The following PCDHGA8 variants were observed in gnomAD, a reference collection of about 807,000 sequenced individuals.
The protein encoded by PCDHGA8 is protocadherin gamma subfamily A, 8, also known as protocadherin gamma-A8.
A neutral mutation model predicts 59.2 loss-of-function variants in PCDHGA8; 45 were observed. The observed-to-expected ratio is 0.76, with a 90% CI of 0.60 to 0.98. PCDHGA8 has a LOEUF of 0.98. PCDHGA8 is among the 50% of genes least tolerant of loss of function. The pLI is 0.00. For missense variants in PCDHGA8, 1,257 were observed against 1,196.2 expected, an observed-to-expected ratio of 1.05 and a Z score of -0.75; for synonymous variants, 531 against 519.0, an observed-to-expected ratio of 1.02 and a Z score of -0.32.
At chr5:141,414,046 A>G (rs780040293) in intron 1 of PCDHGA8, 1 of 1,611,254 alleles carries the variant, frequency 6.2e-7, no homozygotes, top group Non-Finnish European at 8.5e-7. Context: ...ATTACCTGAC[A>G]CGCAATTGTT....
intron 1 of PCDHGA8, chr5:141,404,276 G>A (rs754510135): frequency 6.2e-7 from 1 of 1,613,992 alleles, no homozygotes; most frequent in Non-Finnish European, 8.5e-7. Context: ...CACCCTGCAA[G>A]TGACTGACAT....
chr5:141,407,473 G>A (rs753514459), intron 1 of PCDHGA8, among the ~76,000 whole-genome samples: 4 of 145,182 alleles, frequency 2.8e-5, no homozygotes, highest in Non-Finnish European at 4.6e-5. Context: ...ATGACTGAAT[G>A]GAGTATGGAA....
intron 1 of PCDHGA8, among the ~76,000 whole-genome samples, chr5:141,472,688 A>G (rs970538300): frequency 2.0e-5 from 3 of 151,384 alleles, no homozygotes; most frequent in African/African-American, 7.3e-5. Context: ...CATTTCCCCT[A>G]GAAATAAGTG....
chr5:141,415,095 C>G, intron 1 of PCDHGA8: 2 of 1,613,584 alleles, frequency 1.2e-6, no homozygotes, highest in Non-Finnish European at 1.7e-6. Context: ...TGGACAGAGA[C>G]GCGCTCAAGC....
At chr5:141,402,487 A>G (rs1239262921) in intron 1 of PCDHGA8, among the ~76,000 whole-genome samples, 1 of 152,226 alleles carries the variant, frequency 6.6e-6, no homozygotes, top group Non-Finnish European at 1.5e-5. Flanking sequence ...AAGTTCTACC[A>G]AGAATAAGAA....
chr5:141,433,223 T>C lies in PCDHGA8; in HGVS notation c.2424+37986T>C, dbSNP rs2097577369. On this transcript the variant is annotated intron_variant, in intron 1 of 3. Coordinates refer to ENST00000398604, the MANE Select transcript of PCDHGA8 (RefSeq NM_032088.2). The stretch of plus-strand genomic sequence containing the variant: ...AATCTTCTTTCTTTTTTTTTTTTAA[T>C]TGCTCTGTCTCCCAAGCTGGAATGC... The C allele has an allele frequency of 4.6e-6, 7 of 1,525,952 alleles. No individual in the cohort carries two copies. In the East Asian group the frequency reaches 1.6e-4, roughly 34 times the overall value. The allele number at this position is 1,525,952 out of a possible 1,614,324, so 94.5% of individuals were successfully genotyped here. A position where few individuals can be genotyped will look rare whatever the true frequency, so the allele number is the denominator to read the frequency against.
At position 141,490,821 on chromosome 5, in the gene PCDHGA8, G is replaced by A. The variant is rs907584239; in HGVS notation, c.2425-3986G>A. On this transcript the variant is annotated intron_variant, in intron 1 of 3. Transcript: ENST00000398604. The surrounding 1 kb of genome is among the most constrained non-coding windows in gnomAD (Gnocchi z 5.4). ...AGCGTACCTTTGACTATGAATTGCT[G>A]CAGATGCTGCAGATTGTGGTGGGGG... 6.2e-7 allele frequency: 1 copy of A among 1,613,876 alleles called. No homozygotes were observed. Among genetic ancestry groups the A allele is most frequent in the Non-Finnish European group, 8.5e-7 (1 of 1,179,826 alleles).
intron 1 of PCDHGA8, chr5:141,417,840 A>G (rs2096168680): frequency 2.0e-6 from 3 of 1,536,422 alleles, no homozygotes; most frequent in African/African-American, 2.8e-5. Context: ...GCGGGGACCC[A>G]GCGAGAACCC....
chr5:141,418,224 T>C (rs756997971), intron 1 of PCDHGA8: 1 of 1,613,998 alleles, frequency 6.2e-7, no homozygotes, highest in Non-Finnish European at 8.5e-7. Flanking sequence ...GTCATTGTGG[T>C]GATTGAGGAT....
In PCDHGA8 at chr5:141,395,170, AGAAAAATGATTCTT is replaced by A; in HGVS notation, c.2358_2371del (p.Glu786AspfsTer9). 6.2e-7 allele frequency: 1 copy of A among 1,614,214 alleles called. No individual in the cohort carries two copies. The highest frequency in any genetic ancestry group is 8.5e-7 in the Non-Finnish European group (1 of 1,180,014). On this transcript the variant is annotated frameshift_variant, in exon 1 of 4. Coordinates refer to ENST00000398604, the MANE Select transcript of PCDHGA8 (RefSeq NM_032088.2). LOFTEE classifies it high-confidence loss of function. ...ATGCTCATCAGTCAGGAGGGCTGTG[AGAAAAATGATTCTT>A]TGTTAACATCCGTAGATTTTCATGA...
intron 1 of PCDHGA8, among the ~76,000 whole-genome samples, chr5:141,466,183 T>G (rs145148468): frequency 2.0e-5 from 3 of 152,138 alleles, no homozygotes; most frequent in Middle Eastern, 3.4e-3. Flanking sequence ...TATTTTTATT[T>G]TTTTTCAGAC....
chr5:141,477,268 C>A lies in PCDHGA8; in HGVS notation c.2425-17539C>A, dbSNP rs2099408532. On this transcript the variant is annotated intron_variant, in intron 1 of 3. Transcript: ENST00000398604. This position sits in a 1 kb window ranked among gnomAD's most constrained non-coding sequence, Gnocchi z 4.9. ...TGACTGACCTGGATGCTGGCGAGAA[C>A]GGGCTGGTGACCTGCGAAGTTCCAC... 1.2e-6 allele frequency: 2 copies of A among 1,614,078 alleles called. No individual in the cohort carries two copies. Among genetic ancestry groups the A allele is most frequent in the Non-Finnish European group, 1.7e-6 (2 of 1,180,038 alleles).
rs755093164 is a variant in PCDHGA8, at chr5:141,485,516, G to C, written c.2425-9291G>C. On this transcript the variant is annotated intron_variant, in intron 1 of 3. Coordinates refer to ENST00000398604, the MANE Select transcript of PCDHGA8 (RefSeq NM_032088.2). The surrounding 1 kb of genome is among the most constrained non-coding windows in gnomAD (Gnocchi z 5.7). Reference sequence around the variant, plus strand: ...GGAGTTTGTCACCGAAGGTCCTTTGGAAATGTACCGAGCAGAGGTAGAGAT... The same window carrying C: ...GGAGTTTGTCACCGAAGGTCCTTTGCAAATGTACCGAGCAGAGGTAGAGAT... 1 of 1,614,172 alleles carries C rather than the reference G, an allele frequency of 6.2e-7. No individual in the cohort carries two copies.
rs1686238986 is a variant in PCDHGA8 at position 141,431,536 on chromosome 5, G to A, written c.2424+36299G>A. The A allele has an allele frequency of 6.2e-7, 1 of 1,614,070 alleles. No homozygotes were observed. Among genetic ancestry groups the A allele is most frequent in the African/African-American group, 1.3e-5 (1 of 75,064 alleles). On this transcript the variant is annotated intron_variant, in intron 1 of 3. Transcript: ENST00000398604. The surrounding 1 kb of genome is among the most constrained non-coding windows in gnomAD (Gnocchi z 4.8). ...TTCCGGAGAATCTGGCCTTGGGCAC[G>A]CAGCTGCTTGTAGTCAACGCTACCG... is the stretch of plus-strand genomic sequence containing the variant.
At chr5:141,408,953 CTT>C in intron 1 of PCDHGA8, 1 of 1,613,552 alleles carries the variant, frequency 6.2e-7, no homozygotes, top group Non-Finnish European at 8.5e-7. Context: ...TAGAATTAGT[CTT>C]AGTGAAAATC....
intron 1 of PCDHGA8, among the ~76,000 whole-genome samples, chr5:141,445,156 GT>G (rs1248104914): frequency 6.6e-6 from 1 of 152,018 alleles, no homozygotes; most frequent in Non-Finnish European, 1.5e-5. Flanking sequence ...TTCATTTCTA[GT>G]TTACAGAAAA....
Position 141,477,609 on chromosome 5 carries a change from A to T in PCDHGA8, c.2425-17198A>T, listed in dbSNP as rs775454070. The T allele has an allele frequency of 6.2e-7, 1 of 1,614,192 alleles. No homozygotes were observed. The highest frequency in any genetic ancestry group is 1.1e-5 in the South Asian group (1 of 91,082). ...GCTCGGCTTTCTTTCTTTCTCTTGG[A>T]GCAAGGAGCTGAAACCGGGCTAGTG... On this transcript the variant is annotated intron_variant, in intron 1 of 3. Transcript: ENST00000398604. The surrounding 1 kb of genome is among the most constrained non-coding windows in gnomAD (Gnocchi z 4.9).
chr5:141,490,941 A>G lies in PCDHGA8; in HGVS notation c.2425-3866A>G. The G allele has an allele frequency of 6.2e-7, 1 of 1,613,628 alleles. No homozygotes were observed. The highest frequency in any genetic ancestry group is 8.5e-7 in the Non-Finnish European group (1 of 1,179,772). On this transcript the variant is annotated intron_variant, in intron 1 of 3. Coordinates refer to ENST00000398604, the MANE Select transcript of PCDHGA8 (RefSeq NM_032088.2). The surrounding 1 kb of genome is among the most constrained non-coding windows in gnomAD (Gnocchi z 5.4). ...ATAATGCCCCAGCTGTGCTGCACCC[A>G]CGGCCAGACTGGGAACACTCAGCCC... is the stretch of plus-strand genomic sequence containing the variant.
chr5:141,463,438 CTTTTTTTT>C (rs71576115), intron 1 of PCDHGA8, among the ~76,000 whole-genome samples: 7 of 103,252 alleles, frequency 6.8e-5, no homozygotes, highest in East Asian at 2.4e-4. Flanking sequence ...TTTCCTTCTC[CTTTTTTTT>C]TTTTTTTTTT....
Sources: gnomAD v4.1 joint callset for allele counts (sites outside exome capture counted in the v4.1 genomes callset) on GRCh38, gnomAD v4.1.1 for gene constraint, Gnocchi (gnomAD v3.1) non-coding constraint, MANE v1.5 for transcripts, NCBI Gene and HGNC (gene_info 2026-07-23, HGNC 2026-07-21) for gene names.